BRCA1: variants seen among roughly 807,000 people sequenced by gnomAD.
The protein encoded by BRCA1 is BRCA1 DNA repair associated.
In BRCA1, 140 loss-of-function variants were observed where a neutral mutation model predicts 173.7. The observed-to-expected ratio is 0.81, with a 90% CI of 0.70 to 0.93. The LOEUF is 0.93. Ranked by LOEUF, BRCA1 falls within the 40% of genes least tolerant of loss-of-function variation. BRCA1 has a pLI of 0.00. For missense variants in BRCA1, 1,983 were observed against 2,172.5 expected, an observed-to-expected ratio of 0.91 and a Z score of 1.73; for synonymous variants, 662 against 756.0, an observed-to-expected ratio of 0.88 and a Z score of 2.04.
chr17:43,085,307 C>T (rs961876608), intron 11 of BRCA1, among the ~76,000 whole-genome samples: 1 of 151,900 alleles, frequency 6.6e-6, no homozygotes, highest in Non-Finnish European at 1.5e-5. Flanking sequence ...GTGCAGTGAG[C>T]TGAGATCGTG....
At chr17:43,096,204 C>G (rs925108562) in intron 8 of BRCA1, among the ~76,000 whole-genome samples, 18 of 151,686 alleles carry the variant, frequency 1.2e-4, no homozygotes, top group African/African-American at 4.4e-4. Flanking sequence ...TGGTGAAACC[C>G]CATCTCTACT....
At chr17:43,167,588 A>T (rs2056276256) in intron 1 of BRCA1, 3 of 152,128 alleles carry the variant, frequency 2.0e-5, no homozygotes, top group Non-Finnish European at 4.4e-5. Context: ...AGGGTGTGGC[A>T]CCTGGGGTGT....
At chr17:43,050,330 T>C (rs937465939) in intron 20 of BRCA1, 2 of 366,158 alleles carry the variant, frequency 5.5e-6, no homozygotes, top group East Asian at 3.9e-5. Context: ...TGGAGAGGGC[T>C]GGGCACAGTG....
chr17:43,103,637 G>A (rs979748210), intron 6 of BRCA1, among the ~76,000 whole-genome samples: 4 of 151,978 alleles, frequency 2.6e-5, no homozygotes, highest in Admixed American at 1.3e-4. Context: ...TCTCTCTCTT[G>A]ATTATATCAG....
rs149379936 is a variant in BRCA1, at chr17:43,123,349, G to GTTTTT, written c.80+663_80+667dup. Among the ~76,000 whole-genome samples the GTTTTT allele has an allele frequency of 1.0e-3, 87 of 85,132 alleles. 1 individual carries two copies. Among genetic ancestry groups the GTTTTT allele is most frequent in the South Asian group, 1.2e-3 (3 of 2,546 alleles). 55.8% of individuals were successfully genotyped at this position (85,132 alleles called of 152,430 possible). ...CCTCTCAACGACACCGATCATCCATGTTTTTTTTTTTTTTTTTTTTTTTTT... is the reference window on the plus strand; with the variant it reads ...CCTCTCAACGACACCGATCATCCATGTTTTTTTTTTTTTTTTTTTTTTTTTTTTTT... On this transcript the variant is annotated intron_variant, in intron 2 of 22. Transcript: ENST00000357654.
chr17:43,102,902 G>A (rs1478227214), intron 6 of BRCA1, among the ~76,000 whole-genome samples: 1 of 151,106 alleles, frequency 6.6e-6, no homozygotes, highest in Non-Finnish European at 1.5e-5. Flanking sequence ...CAATCCTCAA[G>A]CCTCCTAGTG....
intron 7 of BRCA1, among the ~76,000 whole-genome samples, chr17:43,098,863 G>A (rs2054247952): frequency 6.7e-6 from 1 of 149,986 alleles, no homozygotes; most frequent in South Asian, 2.1e-4. Context: ...TGTTGCCTAG[G>A]CTGGAGTGCA....
rs578232174 is a variant in BRCA1, at chr17:43,111,588, A to G, written c.134+4138T>C. On this transcript the variant is annotated intron_variant, in intron 3 of 22. Transcript: ENST00000357654. ...TGTAATCCCAGAACTTAGGGAGGCC[A>G]AGGCGGGCAGATCACGAGGTCAGGA... 1.1e-4 allele frequency among the ~76,000 whole-genome samples: 17 copies of G among 152,016 alleles called. No homozygotes were observed. The South Asian group carries it at 3.5e-3, about 32-fold the overall frequency.
intron 1 of BRCA1, chr17:43,165,769 C>G (rs573881758): frequency 7.2e-6 from 1 of 138,642 alleles, no homozygotes; most frequent in Non-Finnish European, 1.6e-5. Context: ...TTTTCCAAAG[C>G]GAACCTTTTT....
chr17:43,146,885 G>A (rs532425372), intron 1 of BRCA1, among the ~76,000 whole-genome samples: 1 of 152,118 alleles, frequency 6.6e-6, no homozygotes, highest in Non-Finnish European at 1.5e-5. Flanking sequence ...CTTGAAAGGA[G>A]CAATTAAGTT....
chr17:43,102,357 C>CTTTTTTTTTTTTTTT (rs35584960), intron 6 of BRCA1, among the ~76,000 whole-genome samples: 3 of 93,214 alleles, frequency 3.2e-5, no homozygotes, highest in African/African-American at 4.4e-5. Context: ...AGGCGTGAAG[C>CTTTTTTTTTTTTTTT]TTTTTTTTTT....
upstream of BRCA1, among the ~76,000 whole-genome samples, chr17:43,126,184 C>G (rs1406899624): frequency 6.6e-6 from 1 of 152,214 alleles, no homozygotes. Context: ...TGTCTGCGCA[C>G]TCGTAGTTCC....
At chr17:43,128,344 T>C (rs2055933986), upstream of BRCA1, among the ~76,000 whole-genome samples, 1 of 152,234 alleles carries the variant, frequency 6.6e-6, no homozygotes, top group African/African-American at 2.4e-5. Context: ...GCTTCACTCC[T>C]GAAGCCAGCG....
intron 1 of BRCA1, among the ~76,000 whole-genome samples, chr17:43,150,733 TA>T (rs911476556): frequency 6.7e-6 from 1 of 150,282 alleles, no homozygotes; most frequent in African/African-American, 2.5e-5. Flanking sequence ...GAGCTCTAGC[TA>T]AAAAAAAACA....
At chr17:43,145,106 C>CA (rs1401979653) in intron 1 of BRCA1, 12 of 728,350 alleles carry the variant, frequency 1.6e-5, no homozygotes, top group Non-Finnish European at 3.1e-5. Context: ...CACAAAAGTG[C>CA]AAAAAAAGGG....
Position 43,093,028 on chromosome 17 carries a change from G to A in BRCA1, c.2503C>T (p.His835Tyr), listed in dbSNP as rs751656678. The change falls in exon 10 of 23, where the codon CAT becomes TAT. Residue 835 changes from histidine (H) to tyrosine (Y), a missense_variant. By Grantham distance (83) the His-to-Tyr change is moderately conservative (BLOSUM62 2). Transcript: ENST00000357654. The stretch of plus-strand genomic sequence containing the variant: ...GTTTCCCGACTGTGGTTAACTTCAT[G>A]TCCCAATGGATACTTAAAGCCTTCT... ...DTEGFKYPLG[H>Y]EVNHSRETSI... 5.6e-6 allele frequency: 9 copies of A among 1,613,714 alleles called. No individual in the cohort carries two copies. Among genetic ancestry groups the A allele is most frequent in the African/African-American group, 1.3e-5 (1 of 74,890 alleles).
chr17:43,123,066 A>AG (rs1318923153), intron 2 of BRCA1, among the ~76,000 whole-genome samples: 1 of 150,760 alleles, frequency 6.6e-6, no homozygotes, highest in Non-Finnish European at 1.5e-5. Context: ...CAAAAAAAGA[A>AG]AAAAAAATAC....
At chr17:43,067,255 GTTT>G (rs34267863) in intron 16 of BRCA1, 70 of 172,558 alleles carry the variant, frequency 4.1e-4, no homozygotes, top group South Asian at 5.6e-4. Context: ...ATTTTTTCAC[GTTT>G]TTTTTTTTTT....
intron 7 of BRCA1, among the ~76,000 whole-genome samples, chr17:43,098,199 A>C (rs1380483539): frequency 1.3e-5 from 2 of 151,504 alleles, no homozygotes; most frequent in African/African-American, 4.8e-5. Context: ...TAATTTAAAA[A>C]AGAAATTTTT....
Sources: allele counts gnomAD v4.1 joint callset (sites outside exome capture counted in the v4.1 genomes callset), GRCh38; gene constraint gnomAD v4.1.1; transcripts MANE v1.5; gene names NCBI Gene and HGNC (gene_info 2026-07-23, HGNC 2026-07-21).